RTN4: variants seen among roughly 807,000 people sequenced by gnomAD.
RTN4 encodes reticulon 4, also known as reticulon-4.
Under a neutral mutation model 90.4 loss-of-function variants are expected in RTN4, and 32 were observed. The observed-to-expected ratio is 0.35, with a 90% CI of 0.27 to 0.48. The LOEUF is 0.48. Ranked by LOEUF, RTN4 falls within the 20% of genes least tolerant of loss-of-function variation. RTN4 has a pLI of 0.99. For synonymous variants in RTN4, 629 were observed against 552.5 expected, an observed-to-expected ratio of 1.14 and a Z score of -1.94; for missense variants, 1,706 against 1,430.2, an observed-to-expected ratio of 1.19 and a Z score of -3.11.
the RTN4 span, among the ~76,000 whole-genome samples, chr2:55,132,467 C>A: frequency 1.3e-5 from 2 of 150,814 alleles, 1 homozygote; most frequent in Middle Eastern, 6.9e-3. Context: ...GGTGCCACTG[C>A]ACTCCAGCCT....
At chr2:55,085,376 T>C (rs2105036567) in intron 1 of RTN4, among the ~76,000 whole-genome samples, 1 of 152,044 alleles carries the variant, frequency 6.6e-6, no homozygotes, top group East Asian at 1.9e-4. Flanking sequence ...AACTGGCAAT[T>C]GTGGGAGCTA....
chr2:55,014,009 C>T lies in RTN4; in HGVS notation c.3013+11077G>A, dbSNP rs1680845381. On this transcript the variant is annotated intron_variant, in intron 3 of 8. Transcript: ENST00000337526. ...AAAATAAGAAACAATTATAGCTACA[C>T]AGTAGTTTTAAGCTTATTTCAAAAT... 5.3e-5 allele frequency among the ~76,000 whole-genome samples: 8 copies of T among 152,152 alleles called. No individual in the cohort carries two copies. In the South Asian group the frequency reaches 1.7e-3, roughly 32 times the overall value.
rs376539364 is a variant in RTN4 at position 55,028,863 on chromosome 2, A to G, written c.557-643T>C. 8.5e-4 allele frequency among the ~76,000 whole-genome samples: 129 copies of G among 152,286 alleles called. 1 individual carries two copies. In the South Asian group the frequency reaches 0.025, roughly 30 times the overall value. ...CTTAAAATTAACCTAAGTGAGGGCTACTTGTTATTTGTATACACAACTAGT... is the reference window on the plus strand; with the variant it reads ...CTTAAAATTAACCTAAGTGAGGGCTGCTTGTTATTTGTATACACAACTAGT... On this transcript the variant is annotated intron_variant, in intron 1 of 8. Transcript: ENST00000337526.
the RTN4 span, among the ~76,000 whole-genome samples, chr2:55,137,566 T>G: frequency 2.6e-5 from 4 of 152,102 alleles, no homozygotes; most frequent in Non-Finnish European, 5.9e-5. Flanking sequence ...CGGCGGCTGC[T>G]GCTCCTGGGT....
At chr2:55,137,314 G>A in the RTN4 span, among the ~76,000 whole-genome samples, 13 of 152,310 alleles carry the variant, frequency 8.5e-5, no homozygotes, top group South Asian at 2.3e-3. Flanking sequence ...GGCTGGAAAG[G>A]AGGCCAGAGA....
intron 1 of RTN4, among the ~76,000 whole-genome samples, chr2:55,096,303 G>A (rs1253228834): frequency 1.3e-5 from 2 of 151,406 alleles, no homozygotes; most frequent in South Asian, 2.1e-4. Flanking sequence ...TCCAGCCTGG[G>A]CAACAAGAGC....
intron 1 of RTN4, among the ~76,000 whole-genome samples, chr2:55,105,913 G>A (rs915284506): frequency 2.6e-5 from 4 of 152,204 alleles, no homozygotes; most frequent in African/African-American, 9.6e-5. Flanking sequence ...CCAGGAGTTC[G>A]AGGCTACAGT....
the RTN4 span, among the ~76,000 whole-genome samples, chr2:55,136,333 T>G: frequency 5.3e-5 from 8 of 152,192 alleles, no homozygotes; most frequent in Non-Finnish European, 8.8e-5. Flanking sequence ...GGCAGGCAAC[T>G]GTGCATACAG....
chr2:54,992,330 A>G (rs982114506), intron 3 of RTN4, among the ~76,000 whole-genome samples: 2 of 152,246 alleles, frequency 1.3e-5, no homozygotes, highest in African/African-American at 4.8e-5. Flanking sequence ...TTGAAGGCTT[A>G]GCTGATTAAA....
intron 3 of RTN4, among the ~76,000 whole-genome samples, chr2:55,003,570 A>T (rs1679994820): frequency 6.6e-6 from 1 of 152,206 alleles, no homozygotes; most frequent in Non-Finnish European, 1.5e-5. Flanking sequence ...GGATGCAAAG[A>T]AAAGTATTGC....
At chr2:54,990,920 G>C (rs1457752925) in intron 3 of RTN4, among the ~76,000 whole-genome samples, 5 of 151,990 alleles carry the variant, frequency 3.3e-5, no homozygotes, top group African/African-American at 1.2e-4. Flanking sequence ...CGAGTAGCTG[G>C]GGCAGGCGCC....
At position 55,025,899 on chromosome 2, in the gene RTN4, G is replaced by T; in HGVS notation, c.2200C>A (p.Leu734Ile). The T allele has an allele frequency of 6.2e-7, 1 of 1,613,730 alleles. No homozygotes were observed. The highest frequency in any genetic ancestry group is 8.5e-7 in the Non-Finnish European group (1 of 1,179,864). The change falls in exon 3 of 9, where the codon CTA (leucine) becomes ATA (isoleucine). Residue 734 changes from leucine (L) to isoleucine (I), a missense_variant. Leu to Ile is a conservative substitution (Grantham distance 5, BLOSUM62 2). Coordinates refer to ENST00000337526, the MANE Select transcript of RTN4 (RefSeq NM_020532.5). ...GAATCAGGTGAGGAATCTTCAACTA[G>T]CTCAGAATGATCAGGCACTGGCTGT... ...VEQPVPDHSE[L>I]VEDSSPDSEP...
intron 6 of RTN4, 48 bp from the exon 7 acceptor site, chr2:54,973,915 G>T (rs200469506): frequency 6.5e-7 from 1 of 1,533,524 alleles, no homozygotes; most frequent in Non-Finnish European, 9.0e-7. Context: ...AATGATTTGG[G>T]AGGAATAAAC....
At chr2:55,084,331 G>C (rs1404247615) in intron 1 of RTN4, among the ~76,000 whole-genome samples, 3 of 150,718 alleles carry the variant, frequency 2.0e-5, no homozygotes, top group Non-Finnish European at 3.0e-5. Flanking sequence ...AATAGAGGTG[G>C]GGTCTCACTA....
chr2:54,997,927 G>T (rs1679559407), intron 3 of RTN4, among the ~76,000 whole-genome samples: 1 of 152,134 alleles, frequency 6.6e-6, no homozygotes, highest in Non-Finnish European at 1.5e-5. Context: ...GGAATAAACA[G>T]TATATATAGG....
At chr2:55,114,975 G>A (rs1307188742), upstream of RTN4, among the ~76,000 whole-genome samples, 1 of 151,962 alleles carries the variant, frequency 6.6e-6, no homozygotes, top group African/African-American at 2.4e-5. Flanking sequence ...ACATGCATGT[G>A]GGCTGACAGG....
intron 3 of RTN4, among the ~76,000 whole-genome samples, chr2:54,998,600 GCTTGTCTCCC>G (rs2104734430): frequency 6.6e-6 from 1 of 152,144 alleles, no homozygotes; most frequent in African/African-American, 2.4e-5. Flanking sequence ...TGTTTTGCAG[GCTTGTCTCCC>G]CTTACTAGAC....
chr2:55,093,334 T>C (rs2105046956), intron 1 of RTN4, among the ~76,000 whole-genome samples: 1 of 151,752 alleles, frequency 6.6e-6, no homozygotes, highest in East Asian at 1.9e-4. Context: ...TGTTGTTTTA[T>C]TTACAAACAC....
At chr2:55,028,306 G>GAATGT in intron 1 of RTN4, 86 bp from the exon 2 acceptor site, 1 of 1,216,818 alleles carries the variant, frequency 8.2e-7, no homozygotes, top group Non-Finnish European at 1.2e-6. Context: ...CCAGGGTTCA[G>GAATGT]TTTGTAATAA....
Sources: allele counts gnomAD v4.1 joint callset (sites outside exome capture counted in the v4.1 genomes callset), GRCh38; gene constraint gnomAD v4.1.1; transcripts MANE v1.5; gene names NCBI Gene and HGNC (gene_info 2026-07-23, HGNC 2026-07-21).